FUT8: variants seen among roughly 807,000 people sequenced by gnomAD.
FUT8 encodes the protein alpha-(1,6)-fucosyltransferase.
In FUT8, 29 loss-of-function variants were observed where a neutral mutation model predicts 71.3. That is an observed-to-expected ratio of 0.41 (90% confidence interval 0.30 to 0.55). FUT8 has a LOEUF of 0.55. Among genes scored for constraint, FUT8 ranks in the 20% least tolerant of loss-of-function variants. The probability of loss-of-function intolerance (pLI) is 0.34; values close to 1 mark genes in which losing one functional copy is unlikely to be tolerated. For synonymous variants in FUT8, 254 were observed against 239.3 expected, an observed-to-expected ratio of 1.06 and a Z score of -0.57; for missense variants, 544 against 702.1, an observed-to-expected ratio of 0.77 and a Z score of 2.55.
chr14:65,363,082 T>A, the FUT8 span, among the ~76,000 whole-genome samples: 1 of 151,598 alleles, frequency 6.6e-6, no homozygotes, highest in African/African-American at 2.4e-5. Flanking sequence ...ATATTGGATA[T>A]TTTAAACTGA....
intron 3 of FUT8, among the ~76,000 whole-genome samples, chr14:65,578,601 G>A (rs530653052): frequency 2.0e-5 from 3 of 152,196 alleles, no homozygotes; most frequent in South Asian, 4.1e-4. Context: ...TGTATTTTAT[G>A]TGTGGCCCAA....
chr14:65,438,138 A>G (rs1272848464), intron 1 of FUT8, among the ~76,000 whole-genome samples: 1 of 152,230 alleles, frequency 6.6e-6, no homozygotes, highest in Non-Finnish European at 1.5e-5. Context: ...TCCTCTCTCA[A>G]GTAAGAATAT....
chr14:65,588,454 A>T (rs1887507954), intron 3 of FUT8, among the ~76,000 whole-genome samples: 1 of 152,154 alleles, frequency 6.6e-6, no homozygotes, highest in African/African-American at 2.4e-5. Context: ...ATGTGCTGCA[A>T]TTTGTAATTT....
chr14:65,426,264 T>C (rs998030115), intron 1 of FUT8, among the ~76,000 whole-genome samples: 1 of 152,154 alleles, frequency 6.6e-6, no homozygotes, highest in Non-Finnish European at 1.5e-5. Context: ...TCCTTCGGGT[T>C]CATCCATGTT....
At chr14:65,657,803 A>C (rs528977419) in intron 6 of FUT8, among the ~76,000 whole-genome samples, 11 of 152,278 alleles carry the variant, frequency 7.2e-5, no homozygotes, top group African/African-American at 2.2e-4. Context: ...TACATTTAAA[A>C]ATAACTAAAA....
intron 2 of FUT8, among the ~76,000 whole-genome samples, chr14:65,486,035 T>C (rs1413932185): frequency 6.6e-6 from 1 of 152,220 alleles, no homozygotes; most frequent in Non-Finnish European, 1.5e-5. Context: ...CCTCCATATA[T>C]AGCATATTTT....
intron 7 of FUT8, among the ~76,000 whole-genome samples, chr14:65,710,823 C>T (rs574195737): frequency 7.9e-5 from 12 of 152,070 alleles, no homozygotes; most frequent in African/African-American, 1.9e-4. Context: ...CATGGCTCTG[C>T]GGGCTGTGTA....
intron 6 of FUT8, among the ~76,000 whole-genome samples, chr14:65,644,390 A>G (rs1891018589): frequency 6.6e-6 from 1 of 151,932 alleles, no homozygotes; most frequent in Admixed American, 6.6e-5. Flanking sequence ...TCCCAGGTTC[A>G]TGCCATTATC....
chr14:65,648,713 A>G (rs1413690488), intron 6 of FUT8, among the ~76,000 whole-genome samples: 1 of 152,230 alleles, frequency 6.6e-6, no homozygotes, highest in African/African-American at 2.4e-5. Flanking sequence ...CATCTCTGCT[A>G]ATGAAATCAG....
At position 65,660,701 on chromosome 14, in the gene FUT8, A is replaced by C. The variant is rs1891916884; in HGVS notation, c.598-8542A>C. Reference sequence around the variant, plus strand: ...AGTACAGTCTTAACTTTGCTATGGAAATATTCTTGTTTAATATGTTAAGGG... The same window carrying C: ...AGTACAGTCTTAACTTTGCTATGGACATATTCTTGTTTAATATGTTAAGGG... On this transcript the variant is annotated intron_variant, in intron 6 of 10. Coordinates refer to ENST00000673929, the MANE Select transcript of FUT8 (RefSeq NM_001371533.1). This position sits in a 1 kb window ranked among gnomAD's most constrained non-coding sequence, Gnocchi z 4.1. Among the ~76,000 whole-genome samples, 1 of 152,180 alleles carries C rather than the reference A, an allele frequency of 6.6e-6. No homozygotes were observed. The highest frequency in any genetic ancestry group is 1.9e-4 in the East Asian group (1 of 5,194).
At chr14:65,719,214 A>G (rs1211884756) in intron 7 of FUT8, among the ~76,000 whole-genome samples, 1 of 151,908 alleles carries the variant, frequency 6.6e-6, no homozygotes, top group African/African-American at 2.4e-5. Flanking sequence ...TAAGCTTACC[A>G]ATTCTTTCTT....
intron 7 of FUT8, among the ~76,000 whole-genome samples, chr14:65,704,790 G>T (rs1364158995): frequency 1.3e-5 from 2 of 152,184 alleles, no homozygotes; most frequent in Non-Finnish European, 2.9e-5. Context: ...AATCTCTTTT[G>T]TCTTTTTTCT....
At chr14:65,524,335 A>G (rs561386968) in intron 2 of FUT8, among the ~76,000 whole-genome samples, 11 of 152,260 alleles carry the variant, frequency 7.2e-5, no homozygotes, top group Admixed American at 3.3e-4. Context: ...CTTTGTAGCA[A>G]TTGTGAATGG....
chr14:65,596,956 G>T (rs1006633700), intron 3 of FUT8, among the ~76,000 whole-genome samples: 1 of 152,120 alleles, frequency 6.6e-6, no homozygotes, highest in Non-Finnish European at 1.5e-5. Flanking sequence ...AAATTTGAGG[G>T]CTATACCATA....
the FUT8 span, among the ~76,000 whole-genome samples, chr14:65,362,061 G>A: frequency 2.6e-5 from 4 of 152,188 alleles, no homozygotes; most frequent in African/African-American, 9.7e-5. Context: ...CGCCAGTTGT[G>A]ATGACTCTGA....
At chr14:65,601,093 G>A (rs1888267159) in intron 3 of FUT8, among the ~76,000 whole-genome samples, 1 of 152,132 alleles carries the variant, frequency 6.6e-6, no homozygotes, top group South Asian at 2.1e-4. Context: ...TGTTAAAACT[G>A]AGATTGTCGC....
At chr14:65,657,635 C>T (rs1029575385) in intron 6 of FUT8, among the ~76,000 whole-genome samples, 24 of 151,970 alleles carry the variant, frequency 1.6e-4, no homozygotes, top group Non-Finnish European at 5.9e-5. Flanking sequence ...ACAAATTGAA[C>T]TCATGGAGAT....
At chr14:65,409,825 G>A (rs1258914178), upstream of FUT8, among the ~76,000 whole-genome samples, 1 of 152,178 alleles carries the variant, frequency 6.6e-6, no homozygotes, top group Non-Finnish European at 1.5e-5. The surrounding 1 kb of genome is among the most constrained non-coding windows in gnomAD (Gnocchi z 5.4). Flanking sequence ...AGATCATAAC[G>A]ATTGTTCTGT....
rs190767578 is a variant in FUT8, at chr14:65,480,382, A to G, written c.-228+24664A>G. ...GGAGTGCAGTGGCATGAACATCTTA[A>G]TAGCTCACTGCAGCCTCAACCTCCC... is the stretch of plus-strand genomic sequence containing the variant. On this transcript the variant is annotated intron_variant, in intron 2 of 10. Transcript: ENST00000673929. Among the ~76,000 whole-genome samples the G allele has an allele frequency of 2.7e-5, 4 of 147,874 alleles. No individual in the cohort carries two copies. The Admixed American group carries it at 2.7e-4, about 10-fold the overall frequency.
Sources: allele counts gnomAD v4.1 joint callset (sites outside exome capture counted in the v4.1 genomes callset), GRCh38; gene constraint gnomAD v4.1.1; non-coding constraint Gnocchi (gnomAD v3.1); transcripts MANE v1.5; gene names NCBI Gene and HGNC (gene_info 2026-07-23, HGNC 2026-07-21).